The following PCDH7 variants were observed in gnomAD, a reference collection of about 807,000 sequenced individuals.
The protein encoded by PCDH7 is protocadherin-7.
Under a neutral mutation model 58.9 loss-of-function variants are expected in PCDH7, and 17 were observed. The ratio of observed to expected loss-of-function variants is 0.29; its 90% CI spans 0.20 to 0.43. The LOEUF (loss-of-function observed/expected upper bound fraction) is 0.43. PCDH7 is among the 20% of genes least tolerant of loss of function. PCDH7 has a pLI of 1.00. For synonymous variants in PCDH7, 664 were observed against 616.4 expected, an observed-to-expected ratio of 1.08 and a Z score of -1.14; for missense variants, 1,274 against 1,441.0, an observed-to-expected ratio of 0.88 and a Z score of 1.88.
chr4:30,984,377 A>G (rs897881447), intron 3 of PCDH7, among the ~76,000 whole-genome samples: 13 of 152,192 alleles, frequency 8.5e-5, no homozygotes, highest in Non-Finnish European at 1.5e-5. Context: ...GAACATATGG[A>G]AAGAGCAATG....
intron 1 of PCDH7, among the ~76,000 whole-genome samples, chr4:30,873,864 T>A (rs1198828413): frequency 6.6e-6 from 1 of 152,024 alleles, no homozygotes; most frequent in African/African-American, 2.4e-5. Flanking sequence ...TGTTTATTTA[T>A]TTATAATTTA....
chr4:30,738,808 A>C (rs1363201840), intron 1 of PCDH7, among the ~76,000 whole-genome samples: 1 of 152,078 alleles, frequency 6.6e-6, no homozygotes, highest in Non-Finnish European at 1.5e-5. Flanking sequence ...ATGTAGTCTT[A>C]ATATTCTTCT....
At chr4:30,764,961 T>C (rs1720523764) in intron 1 of PCDH7, among the ~76,000 whole-genome samples, 1 of 152,004 alleles carries the variant, frequency 6.6e-6, no homozygotes, top group East Asian at 1.9e-4. Context: ...CGTCGTGATC[T>C]GCCCACCTTG....
intron 3 of PCDH7, among the ~76,000 whole-genome samples, chr4:31,111,104 T>C (rs1716246250): frequency 6.6e-6 from 1 of 152,086 alleles, no homozygotes; most frequent in African/African-American, 2.4e-5. Context: ...GGTATTAGTA[T>C]ATTTGTGAAT....
chr4:31,108,407 A>AAAAAAAAAAC (rs1715866524), intron 3 of PCDH7, among the ~76,000 whole-genome samples: 1 of 128,944 alleles, frequency 7.8e-6, no homozygotes, highest in African/African-American at 3.3e-5. Context: ...AAAAAAAAAA[A>AAAAAAAAAAC]AATCACTTTC....
intron 3 of PCDH7, among the ~76,000 whole-genome samples, chr4:31,030,604 A>C (rs1337918492): frequency 6.6e-6 from 1 of 152,216 alleles, no homozygotes; most frequent in African/African-American, 2.4e-5. Context: ...AGTAGAAAAA[A>C]AGACTGAAAG....
intron 1 of PCDH7, among the ~76,000 whole-genome samples, chr4:30,807,543 T>C (rs778592821): frequency 3.9e-5 from 6 of 152,128 alleles, no homozygotes; most frequent in African/African-American, 9.7e-5. Flanking sequence ...TCTGCAAAAA[T>C]AGAAAGACTC....
At chr4:31,056,458 G>GGA (rs1757195412) in intron 3 of PCDH7, among the ~76,000 whole-genome samples, 1 of 83,156 alleles carries the variant, frequency 1.2e-5, no homozygotes, top group Admixed American at 1.3e-4. Flanking sequence ...AAGAAAGAAA[G>GGA]AAGAAAGAAA....
chr4:31,100,742 A>G (rs1714788542), intron 3 of PCDH7, among the ~76,000 whole-genome samples: 1 of 152,204 alleles, frequency 6.6e-6, no homozygotes, highest in Non-Finnish European at 1.5e-5. Flanking sequence ...TGGAGAAGTC[A>G]TAAGTGGATG....
intron 1 of PCDH7, among the ~76,000 whole-genome samples, chr4:30,863,466 G>A (rs1025183218): frequency 1.3e-5 from 2 of 151,984 alleles, no homozygotes; most frequent in African/African-American, 2.4e-5. Flanking sequence ...ACAAATGATC[G>A]TCACGCACAA....
intron 1 of PCDH7, among the ~76,000 whole-genome samples, chr4:30,745,122 A>G (rs138187002): frequency 2.0e-5 from 3 of 152,334 alleles, no homozygotes; most frequent in Non-Finnish European, 4.4e-5. Flanking sequence ...AGACACTTTT[A>G]ATCATGGAAA....
At chr4:31,122,606 TA>T (rs1717823406) in intron 3 of PCDH7, among the ~76,000 whole-genome samples, 1 of 151,980 alleles carries the variant, frequency 6.6e-6, no homozygotes, top group Non-Finnish European at 1.5e-5. Context: ...TTCTTCAAAT[TA>T]TTTTTTTTTT....
chr4:31,001,984 A>G (rs1195969463), intron 3 of PCDH7, among the ~76,000 whole-genome samples: 1 of 152,204 alleles, frequency 6.6e-6, no homozygotes, highest in African/African-American at 2.4e-5. Context: ...AACTCCTAAT[A>G]ATAATGGATC....
At chr4:31,139,694 A>G (rs78700877) in intron 3 of PCDH7, among the ~76,000 whole-genome samples, 1,856 of 152,348 alleles carry the variant, frequency 0.012, 19 homozygotes, top group Middle Eastern at 0.024. Context: ...CGTAATACAG[A>G]TTGCATTTGT....
intron 1 of PCDH7, among the ~76,000 whole-genome samples, chr4:30,824,871 T>C (rs1283963826): frequency 6.6e-6 from 1 of 152,088 alleles, no homozygotes; most frequent in African/African-American, 2.4e-5. Context: ...AGGAAAATAA[T>C]TCTTGCAGTA....
chr4:30,945,830 G>A (rs1333181017), intron 2 of PCDH7, among the ~76,000 whole-genome samples: 1 of 152,064 alleles, frequency 6.6e-6, no homozygotes. Context: ...TGCCAATCCT[G>A]CCGCCACCCA....
intron 1 of PCDH7, among the ~76,000 whole-genome samples, chr4:30,833,011 T>G (rs1402076327): frequency 2.0e-5 from 3 of 152,076 alleles, no homozygotes; most frequent in African/African-American, 7.2e-5. Context: ...AAGTATAGAC[T>G]CTGCTGGCTT....
At chr4:30,983,923 T>C (rs1455875209) in intron 3 of PCDH7, among the ~76,000 whole-genome samples, 2 of 152,290 alleles carry the variant, frequency 1.3e-5, no homozygotes, top group East Asian at 3.9e-4. Flanking sequence ...TCCACACCAC[T>C]GAGTAGAAGA....
intron 1 of PCDH7, among the ~76,000 whole-genome samples, chr4:30,826,236 A>G (rs1729076997): frequency 6.6e-6 from 1 of 152,124 alleles, no homozygotes; most frequent in African/African-American, 2.4e-5. Flanking sequence ...ATTCATTACA[A>G]ATTTCGTGAA....
Sources: gnomAD v4.1 joint callset for allele counts (sites outside exome capture counted in the v4.1 genomes callset) on GRCh38, gnomAD v4.1.1 for gene constraint, MANE v1.5 for transcripts, NCBI Gene and HGNC (gene_info 2026-07-23, HGNC 2026-07-21) for gene names.